Variants in LIMCH1 observed in about 807,000 individuals in gnomAD.
LIMCH1 encodes the protein LIM and calponin homology domains-containing protein 1.
A neutral mutation model predicts 176.5 loss-of-function variants in LIMCH1; 113 were observed. The observed-to-expected ratio is 0.64, with a 90% CI of 0.55 to 0.75. The LOEUF is 0.75. Among genes scored for constraint, LIMCH1 ranks in the 30% least tolerant of loss-of-function variants. The probability of loss-of-function intolerance (pLI) is 0.00; values close to 1 mark genes in which losing one functional copy is unlikely to be tolerated. For missense variants in LIMCH1, 1,674 were observed against 1,814.9 expected, an observed-to-expected ratio of 0.92 and a Z score of 1.41; for synonymous variants, 619 against 645.9, an observed-to-expected ratio of 0.96 and a Z score of 0.63.
At chr4:41,578,811 T>C (rs538755988) in intron 1 of LIMCH1, among the ~76,000 whole-genome samples, 104 of 152,074 alleles carry the variant, frequency 6.8e-4, no homozygotes, top group Admixed American at 1.9e-3. Context: ...CCTTGAACTA[T>C]TGGGCTCAAG....
At chr4:41,434,423 T>G (rs1469324312) in intron 1 of LIMCH1, among the ~76,000 whole-genome samples, 2 of 152,248 alleles carry the variant, frequency 1.3e-5, no homozygotes, top group East Asian at 3.8e-4. Flanking sequence ...GCAGCTAGGA[T>G]GTAGAGGACA....
chr4:41,416,663 CAA>C (rs78666210), intron 1 of LIMCH1, among the ~76,000 whole-genome samples: 112 of 129,758 alleles, frequency 8.6e-4, no homozygotes, highest in Non-Finnish European at 9.2e-4. Flanking sequence ...ATCTCAAAAA[CAA>C]AAAAAAAAAA....
At chr4:41,506,585 A>G (rs2074190217) in intron 2 of LIMCH1, among the ~76,000 whole-genome samples, 1 of 152,228 alleles carries the variant, frequency 6.6e-6, no homozygotes, top group South Asian at 2.1e-4. Context: ...GTACGAGTAA[A>G]TGTAAAACCA....
chr4:41,518,739 C>T (rs2075832470), intron 2 of LIMCH1, among the ~76,000 whole-genome samples: 1 of 152,102 alleles, frequency 6.6e-6, no homozygotes. Flanking sequence ...CTTCTTGCCC[C>T]CCACCCCCGA....
At chr4:41,435,438 T>C (rs4496614) in intron 1 of LIMCH1, among the ~76,000 whole-genome samples, 34,059 of 152,072 alleles carry the variant, frequency 0.22, 4,740 homozygotes, top group African/African-American at 0.38. Flanking sequence ...TTCCTACCCC[T>C]AGAACTGTAA....
chr4:41,573,202 G>GC (rs2083841913), intron 1 of LIMCH1, among the ~76,000 whole-genome samples: 1 of 152,142 alleles, frequency 6.6e-6, no homozygotes, highest in Admixed American at 6.5e-5. Flanking sequence ...TGTCTAATTG[G>GC]CTTGGCTGTC....
intron 1 of LIMCH1, among the ~76,000 whole-genome samples, chr4:41,562,047 C>T (rs1045188091): frequency 5.3e-5 from 8 of 152,090 alleles, no homozygotes; most frequent in African/African-American, 1.9e-4. Flanking sequence ...TTGCTTCTGC[C>T]TCTGTTACGA....
At chr4:41,681,179 T>C in intron 25 of LIMCH1, 120 bp downstream of exon 25, 1 of 571,512 alleles carries the variant, frequency 1.7e-6, no homozygotes, top group East Asian at 2.9e-5. Context: ...GCTATTCCCC[T>C]AGAATCACGT....
intron 1 of LIMCH1, among the ~76,000 whole-genome samples, chr4:41,422,332 C>T (rs757594511): frequency 6.6e-5 from 10 of 151,942 alleles, no homozygotes; most frequent in African/African-American, 1.5e-4. Context: ...GGATTATAGG[C>T]GCGCATCACC....
At chr4:41,415,649 A>C (rs139473717) in intron 1 of LIMCH1, among the ~76,000 whole-genome samples, 15 of 151,992 alleles carry the variant, frequency 9.9e-5, no homozygotes, top group African/African-American at 3.6e-4. Context: ...TCCTTTATCT[A>C]TGTGTCTGGT....
chr4:41,361,054 A>C, intron 1 of LIMCH1: 2 of 603,506 alleles, frequency 3.3e-6, no homozygotes, highest in Non-Finnish European at 5.5e-6. Flanking sequence ...TTCTTTTGCC[A>C]GCTGCTCCAG....
chr4:41,454,189 C>T (rs2064244847), intron 1 of LIMCH1, among the ~76,000 whole-genome samples: 1 of 152,148 alleles, frequency 6.6e-6, no homozygotes, highest in Non-Finnish European at 1.5e-5. Context: ...CAGTTACATG[C>T]ACATGTAATG....
intron 13 of LIMCH1, among the ~76,000 whole-genome samples, chr4:41,637,885 T>C (rs543497418): frequency 6.6e-6 from 1 of 152,222 alleles, no homozygotes; most frequent in Non-Finnish European, 1.5e-5. Flanking sequence ...ACCCTTTTCC[T>C]ATAAACTATT....
chr4:41,579,762 A>C (rs1375274229), intron 1 of LIMCH1, among the ~76,000 whole-genome samples: 1 of 152,200 alleles, frequency 6.6e-6, no homozygotes, highest in Non-Finnish European at 1.5e-5. Flanking sequence ...CAGAGGATGC[A>C]TGATAGGGGA....
intron 3 of LIMCH1, chr4:41,604,149 G>A: frequency 1.1e-6 from 1 of 944,790 alleles, no homozygotes; most frequent in Non-Finnish European, 1.3e-6. Flanking sequence ...GTGAAAGCTT[G>A]TACTCTGTTT....
intron 1 of LIMCH1, among the ~76,000 whole-genome samples, chr4:41,368,053 C>G (rs2053377435): frequency 6.6e-6 from 1 of 152,054 alleles, no homozygotes; most frequent in Admixed American, 6.5e-5. Context: ...ACATAGCTAT[C>G]TTTTTCTCCC....
At chr4:41,462,563 TA>T (rs544636632) in intron 1 of LIMCH1, among the ~76,000 whole-genome samples, 2 of 152,060 alleles carry the variant, frequency 1.3e-5, no homozygotes, top group South Asian at 2.1e-4. Flanking sequence ...AACATAAACT[TA>T]AAAAAATGCT....
intron 2 of LIMCH1, among the ~76,000 whole-genome samples, chr4:41,522,506 T>C (rs919268614): frequency 6.6e-6 from 1 of 152,194 alleles, no homozygotes; most frequent in Non-Finnish European, 1.5e-5. Context: ...TACAAAAATA[T>C]TATCTTAAAA....
intron 1 of LIMCH1, among the ~76,000 whole-genome samples, chr4:41,477,318 G>C (rs2067897880): frequency 6.6e-6 from 1 of 152,198 alleles, no homozygotes; most frequent in Non-Finnish European, 1.5e-5. Context: ...GGTACAGACA[G>C]TAGCTTTATG....
Sources: gnomAD v4.1 joint callset for allele counts (sites outside exome capture counted in the v4.1 genomes callset) on GRCh38, gnomAD v4.1.1 for gene constraint, MANE v1.5 for transcripts, NCBI Gene and HGNC (gene_info 2026-07-23, HGNC 2026-07-21) for gene names.